The following SNX9 variants were observed in gnomAD, a reference collection of about 807,000 sequenced individuals.
SNX9 encodes the protein sorting nexin-9.
SNX9 carries 44 observed loss-of-function variants against 89.4 expected under a neutral mutation model. The observed-to-expected ratio is 0.49, with a 90% CI of 0.39 to 0.63. The LOEUF is 0.63. Ranked by LOEUF, SNX9 falls within the 30% of genes least tolerant of loss-of-function variation. The pLI is 0.00. For synonymous variants in SNX9, 236 were observed against 247.8 expected (o/e 0.95, Z 0.45); for missense variants, 578 against 736.1 (o/e 0.79, Z 2.49).
At chr6:157,834,260 TG>T (rs962432817) in intron 1 of SNX9, among the ~76,000 whole-genome samples, 1 of 140,548 alleles carries the variant, frequency 7.1e-6, no homozygotes, top group Non-Finnish European at 1.5e-5. Flanking sequence ...CTCAACCTCC[TG>T]GGCTCCAGCG....
chr6:157,869,405 C>T (rs998673690), intron 2 of SNX9, among the ~76,000 whole-genome samples: 1 of 152,210 alleles, frequency 6.6e-6, no homozygotes, highest in African/African-American at 2.4e-5. Flanking sequence ...CGTCCAGACT[C>T]AGCTCATCAC....
intron 1 of SNX9, among the ~76,000 whole-genome samples, chr6:157,853,740 G>A (rs946359718): frequency 6.6e-6 from 1 of 151,918 alleles, no homozygotes; most frequent in Non-Finnish European, 1.5e-5. Flanking sequence ...ACTGGAAAGA[G>A]GAAATAGTTA....
At chr6:157,931,018 C>T (rs1025020794) in intron 12 of SNX9, among the ~76,000 whole-genome samples, 9 of 152,236 alleles carry the variant, frequency 5.9e-5, no homozygotes, top group South Asian at 2.1e-4. Flanking sequence ...GTCTGATCAA[C>T]TCCATGTCCT....
At chr6:157,925,456 G>A (rs1163378321) in intron 10 of SNX9, among the ~76,000 whole-genome samples, 1 of 151,966 alleles carries the variant, frequency 6.6e-6, no homozygotes, top group Non-Finnish European at 1.5e-5. Flanking sequence ...CCTCTCATAT[G>A]ACCTGGCATT....
At chr6:157,938,258 CTG>C (rs910134476) in intron 15 of SNX9, among the ~76,000 whole-genome samples, 1 of 152,204 alleles carries the variant, frequency 6.6e-6, no homozygotes, top group African/African-American at 2.4e-5. Flanking sequence ...GAGAGAGTGC[CTG>C]TGTGCACATG....
chr6:157,922,681 T>A (rs1177228618), intron 10 of SNX9, among the ~76,000 whole-genome samples: 1 of 152,212 alleles, frequency 6.6e-6, no homozygotes, highest in African/African-American at 2.4e-5. Context: ...CCAGCTCATG[T>A]GATATGTTAT....
At chr6:157,942,704 T>C in intron 17 of SNX9, 87 bp from the exon 18 acceptor site, 4 of 1,392,420 alleles carry the variant, frequency 2.9e-6, no homozygotes, top group Non-Finnish European at 4.0e-6. Flanking sequence ...GTGTCATGTT[T>C]AACTTGTTGG....
At chr6:157,936,247 C>T (rs1783922949) in intron 14 of SNX9, among the ~76,000 whole-genome samples, 1 of 152,154 alleles carries the variant, frequency 6.6e-6, no homozygotes, top group Admixed American at 6.5e-5. Flanking sequence ...TCTAAATAGG[C>T]CAGGCACAGT....
At chr6:157,914,609 T>C (rs920546384) in intron 9 of SNX9, among the ~76,000 whole-genome samples, 1 of 151,384 alleles carries the variant, frequency 6.6e-6, no homozygotes, top group Non-Finnish European at 1.5e-5. Context: ...CCTGAGTAGC[T>C]GGGACTACAG....
At chr6:157,939,987 A>AG (rs1201526624) in intron 16 of SNX9, among the ~76,000 whole-genome samples, 1 of 152,076 alleles carries the variant, frequency 6.6e-6, no homozygotes, top group Non-Finnish European at 1.5e-5. Context: ...CAGAGAAAGA[A>AG]GGAATCCATG....
intron 1 of SNX9, among the ~76,000 whole-genome samples, chr6:157,824,956 T>C (rs34234080): frequency 0.021 from 3,179 of 152,256 alleles, 102 homozygotes; most frequent in African/African-American, 0.073. Flanking sequence ...TTAAAAGCGG[T>C]TTATAGGCCG....
chr6:157,824,389 A>T (rs1182613003), intron 1 of SNX9, among the ~76,000 whole-genome samples: 1 of 152,206 alleles, frequency 6.6e-6, no homozygotes. Context: ...GATCTGTGAT[A>T]CACTGTGAGG....
In SNX9 at chr6:157,873,097, A is replaced by C; in HGVS notation, c.100-5A>C. 1 of 1,460,464 alleles carries C rather than the reference A, an allele frequency of 6.8e-7. No homozygotes were observed. The highest frequency in any genetic ancestry group is 1.3e-5 in the South Asian group (1 of 76,780). The allele number at this position is 1,460,464 out of a possible 1,614,324, so 90.5% of individuals were successfully genotyped here. On this transcript the variant is annotated splice_region_variant and splice_polypyrimidine_tract_variant and intron_variant, in intron 2 of 17. Transcript: ENST00000392185. Reference sequence around the variant, plus strand: ...CTTTTTTTTTTTTTTTTGGTGACTTATTAGGATGTAGGTGGAGGATGGCTG... The same window carrying C: ...CTTTTTTTTTTTTTTTTGGTGACTTCTTAGGATGTAGGTGGAGGATGGCTG...
chr6:157,848,214 C>T (rs1781840962), intron 1 of SNX9, among the ~76,000 whole-genome samples: 1 of 152,144 alleles, frequency 6.6e-6, no homozygotes, highest in African/African-American at 2.4e-5. Context: ...TACTAACTGC[C>T]TATTCAATAT....
intron 1 of SNX9, among the ~76,000 whole-genome samples, chr6:157,865,356 A>G (rs1281570462): frequency 1.3e-5 from 2 of 151,900 alleles, no homozygotes; most frequent in African/African-American, 4.8e-5. Context: ...AAAAAAAAAA[A>G]AAACACCACA....
intron 4 of SNX9, among the ~76,000 whole-genome samples, chr6:157,882,898 A>G (rs868530856): frequency 3.3e-5 from 5 of 152,240 alleles, no homozygotes; most frequent in Non-Finnish European, 4.4e-5. Context: ...TTAGTAGATA[A>G]AATAGCAGCA....
intron 7 of SNX9, among the ~76,000 whole-genome samples, chr6:157,907,018 C>G (rs1356507976): frequency 6.6e-6 from 1 of 152,142 alleles, no homozygotes; most frequent in Non-Finnish European, 1.5e-5. Flanking sequence ...GTATTAGATT[C>G]TCTAATTACT....
At chr6:157,846,337 T>G (rs1781807524) in intron 1 of SNX9, among the ~76,000 whole-genome samples, 1 of 152,242 alleles carries the variant, frequency 6.6e-6, no homozygotes, top group Admixed American at 6.5e-5. Flanking sequence ...CCAGCTGTAG[T>G]TCTGTGGTGA....
chr6:157,867,709 A>G, intron 2 of SNX9, 76 bp downstream of exon 2: 2 of 1,192,554 alleles, frequency 1.7e-6, no homozygotes, highest in South Asian at 3.6e-5. Flanking sequence ...AGAACTGTAC[A>G]TTCGAGTCTG....
Sources: gnomAD v4.1 joint callset for allele counts (sites outside exome capture counted in the v4.1 genomes callset) on GRCh38, gnomAD v4.1.1 for gene constraint, MANE v1.5 for transcripts, NCBI Gene and HGNC (gene_info 2026-07-23, HGNC 2026-07-21) for gene names.